The following PADI2 variants were observed in gnomAD, a reference collection of about 807,000 sequenced individuals.
PADI2 encodes peptidyl arginine deiminase 2.
Under a neutral mutation model 81.1 loss-of-function variants are expected in PADI2, and 70 were observed. The ratio of observed to expected loss-of-function variants is 0.86; its 90% CI spans 0.71 to 1.05. PADI2 has a LOEUF of 1.05. PADI2 is among the 50% of genes least tolerant of loss of function. The probability of loss-of-function intolerance (pLI) is 0.00; values close to 1 mark genes in which losing one functional copy is unlikely to be tolerated. For synonymous variants in PADI2, 338 were observed against 358.0 expected (o/e 0.94, Z 0.63); for missense variants, 853 against 889.9 (o/e 0.96, Z 0.53).
intron 3 of PADI2, among the ~76,000 whole-genome samples, chr1:17,100,778 C>T (rs1467689640): frequency 1.3e-5 from 2 of 151,674 alleles, no homozygotes; most frequent in African/African-American, 4.8e-5. Context: ...TCTCCTGCCT[C>T]AGCCTCCTGA....
chr1:17,104,098 C>G (rs575637742), intron 2 of PADI2, among the ~76,000 whole-genome samples: 2 of 148,430 alleles, frequency 1.3e-5, no homozygotes, highest in Non-Finnish European at 3.0e-5. Flanking sequence ...CTGGCTAACA[C>G]GGTGAAACCC....
chr1:17,093,309 T>C (rs1930773001), intron 5 of PADI2, among the ~76,000 whole-genome samples: 1 of 152,168 alleles, frequency 6.6e-6, no homozygotes, highest in Non-Finnish European at 1.5e-5. Flanking sequence ...TTGGTTAGGC[T>C]GGTCTTGAAC....
intron 9 of PADI2, 141 bp downstream of exon 9, chr1:17,083,585 T>C (rs553921144): frequency 6.3e-6 from 4 of 636,382 alleles, no homozygotes; most frequent in Non-Finnish European, 1.1e-5. Context: ...GTTTATGTCT[T>C]TGTGCACATG....
At chr1:17,074,027 ATC>A (rs2078283338) in intron 13 of PADI2, among the ~76,000 whole-genome samples, 1 of 152,176 alleles carries the variant, frequency 6.6e-6, no homozygotes. Context: ...TCTATTTTCT[ATC>A]TCTCTTTCTA....
intron 7 of PADI2, among the ~76,000 whole-genome samples, chr1:17,085,350 G>C (rs1002510639): frequency 6.6e-6 from 1 of 152,178 alleles, no homozygotes; most frequent in Non-Finnish European, 1.5e-5. Context: ...GTGCGGGGGT[G>C]GTGGGACTGT....
intron 2 of PADI2, among the ~76,000 whole-genome samples, chr1:17,104,584 G>A (rs1444095101): frequency 5.3e-5 from 8 of 151,226 alleles, no homozygotes; most frequent in Admixed American, 2.0e-4. Context: ...ACAGGCACCC[G>A]CCCCATGCCT....
intron 6 of PADI2, among the ~76,000 whole-genome samples, chr1:17,090,491 C>T (rs1930649158): frequency 6.6e-6 from 1 of 152,148 alleles, no homozygotes; most frequent in Non-Finnish European, 1.5e-5. Context: ...CGCTCATCCA[C>T]AGGGGTGCCT....
chr1:17,067,654 G>A lies in PADI2; in HGVS notation c.*1390C>T, dbSNP rs2078232505. ...TGGGTTCCATGCCAGTAGGGACCAGGTCCAGACTGCTACTAACCACTGTGT... is the reference window on the plus strand; with the variant it reads ...TGGGTTCCATGCCAGTAGGGACCAGATCCAGACTGCTACTAACCACTGTGT... On this transcript the variant is annotated 3_prime_UTR_variant, in exon 16 of 16. Transcript: ENST00000375486. The A allele has an allele frequency of 6.6e-6, 1 of 152,248 alleles. No individual in the cohort carries two copies. The highest frequency in any genetic ancestry group is 6.5e-5 in the Admixed American group (1 of 15,286). The allele number at this position is 152,248 out of a possible 1,614,324, so 9.4% of individuals were successfully genotyped here.
intron 1 of PADI2, among the ~76,000 whole-genome samples, chr1:17,112,341 G>A (rs901175858): frequency 4.6e-5 from 7 of 152,236 alleles, no homozygotes; most frequent in Admixed American, 1.3e-4. Context: ...TTGCAGGGCT[G>A]GGGTGGCTCA....
At chr1:17,106,298 G>A (rs1931373041) in intron 1 of PADI2, among the ~76,000 whole-genome samples, 1 of 152,192 alleles carries the variant, frequency 6.6e-6, no homozygotes, top group Non-Finnish European at 1.5e-5. Context: ...ACAAATGGAT[G>A]TGATCTGGCT....
In PADI2 at chr1:17,103,004, A is replaced by G. The variant is rs1399373331; in HGVS notation, c.332T>C (p.Leu111Pro). 3 of 1,610,862 alleles carry G rather than the reference A, an allele frequency of 1.9e-6. No individual in the cohort carries two copies. Among genetic ancestry groups the G allele is most frequent in the African/African-American group, 1.3e-5 (1 of 74,914 alleles). ...CAACTCACCAATGGCTGTGAGGAAG[A>G]GCCCCGCCTGGTCGATGGGAATGCT... ...EGSIPIDQAGLFLTAIEISLD... is the reference protein window; with the variant it reads ...EGSIPIDQAGPFLTAIEISLD... The change falls in exon 3 of 16, where the codon CTC (leucine) becomes CCC (proline). Residue 111 changes from leucine to proline, a missense_variant. Transcript: ENST00000375486.
At chr1:17,089,746 C>T (rs145881409) in intron 6 of PADI2, among the ~76,000 whole-genome samples, 1 of 152,348 alleles carries the variant, frequency 6.6e-6, no homozygotes, top group East Asian at 1.9e-4. Flanking sequence ...GCAAACCCCA[C>T]ACTGAGCGTG....
intron 1 of PADI2, among the ~76,000 whole-genome samples, chr1:17,107,939 G>A (rs960565193): frequency 6.7e-6 from 1 of 150,244 alleles, no homozygotes; most frequent in Non-Finnish European, 1.5e-5. Flanking sequence ...TCCCCTCTCC[G>A]CATCCATCAC....
intron 1 of PADI2, among the ~76,000 whole-genome samples, chr1:17,116,570 GA>G (rs1185389466): frequency 5.3e-5 from 8 of 152,148 alleles, no homozygotes; most frequent in Non-Finnish European, 1.2e-4. Flanking sequence ...GGCCAGGGTG[GA>G]AGAGACACAG....
intron 13 of PADI2, among the ~76,000 whole-genome samples, chr1:17,071,766 A>T (rs1309967673): frequency 2.6e-5 from 4 of 152,142 alleles, no homozygotes; most frequent in Admixed American, 2.6e-4. Flanking sequence ...GGCCAGTGGG[A>T]TCAGGGGTGC....
intron 5 of PADI2, 100 bp downstream of exon 5, chr1:17,093,467 C>T (rs1930782639): frequency 2.7e-6 from 2 of 738,938 alleles, no homozygotes; most frequent in African/African-American, 3.5e-5. Context: ...CCCCAGGAGG[C>T]CTGAGTCCAC....
chr1:17,091,968 G>A (rs1021703038), intron 6 of PADI2, among the ~76,000 whole-genome samples: 4 of 152,202 alleles, frequency 2.6e-5, no homozygotes, highest in African/African-American at 4.8e-5. Flanking sequence ...TACACAGTGG[G>A]GGCCCAGGAC....
At position 17,115,415 on chromosome 1, in the gene PADI2, G is replaced by A. The variant is rs529726167; in HGVS notation, c.92+3865C>T. On this transcript the variant is annotated intron_variant, in intron 1 of 15. Coordinates refer to ENST00000375486, the MANE Select transcript of PADI2 (RefSeq NM_007365.3). The surrounding 1 kb of genome is among the most constrained non-coding windows in gnomAD (Gnocchi z 4.1). ...TGGATCCTGGCTCCTGTACACCAGGGAGGAAAAGAAGAGCCCTGCCTTCTC... is the reference window on the plus strand; with the variant it reads ...TGGATCCTGGCTCCTGTACACCAGGAAGGAAAAGAAGAGCCCTGCCTTCTC... 6.6e-6 allele frequency among the ~76,000 whole-genome samples: 1 copy of A among 152,338 alleles called. No homozygotes were observed. The highest frequency in any genetic ancestry group is 2.1e-4 in the South Asian group (1 of 4,834).
intron 11 of PADI2, among the ~76,000 whole-genome samples, chr1:17,077,487 T>C (rs148575266): frequency 6.6e-6 from 1 of 152,258 alleles, no homozygotes; most frequent in East Asian, 1.9e-4. Flanking sequence ...CTGACCTGAC[T>C]CCCTGTTATT....
Sources: allele counts gnomAD v4.1 joint callset (sites outside exome capture counted in the v4.1 genomes callset), GRCh38; gene constraint gnomAD v4.1.1; non-coding constraint Gnocchi (gnomAD v3.1); transcripts MANE v1.5; gene names NCBI Gene and HGNC (gene_info 2026-07-23, HGNC 2026-07-21).